The following KIF4A variants were observed in gnomAD, a reference collection of about 807,000 sequenced individuals.
KIF4A encodes the protein kinesin family member 4A.
In KIF4A, 7 loss-of-function variants were observed where a neutral mutation model predicts 105.9. The ratio of observed to expected loss-of-function variants is 0.07; its 90% CI spans 0.04 to 0.12. KIF4A has a LOEUF of 0.12. Among genes scored for constraint, KIF4A ranks in the 10% least tolerant of loss-of-function variants. KIF4A has a pLI of 1.00. For missense variants in KIF4A, 558 were observed against 929.2 expected, an observed-to-expected ratio of 0.60 and a Z score of 5.19; for synonymous variants, 281 against 331.3, an observed-to-expected ratio of 0.85 and a Z score of 1.65.
intron 11 of KIF4A, 79 bp from the exon 12 acceptor site, chrX:70,343,624 A>T: frequency 2.2e-6 from 2 of 902,728 alleles, no homozygotes; most frequent in Non-Finnish European, 3.2e-6. Context: ...CCTAGCTTTT[A>T]ATTCATAGGA....
intron 15 of KIF4A, among the ~76,000 whole-genome samples, chrX:70,371,724 G>T (rs1211681156): frequency 9.3e-6 from 1 of 108,013 alleles, no homozygotes; most frequent in Non-Finnish European, 1.9e-5. Flanking sequence ...CCTCCCTCCC[G>T]GACGGGGCGG....
rs374699860 is a variant in KIF4A at position 70,394,404 on chromosome X, A to G, written c.2233-1267A>G. ...CTTTTTGTAGAGACAGGGTCTCACTATGTTGCTCAGGCTGGTCTTGAACTA... is the reference window on the plus strand; with the variant it reads ...CTTTTTGTAGAGACAGGGTCTCACTGTGTTGCTCAGGCTGGTCTTGAACTA... On this transcript the variant is annotated intron_variant, in intron 20 of 30. Transcript: ENST00000374403. Among the ~76,000 whole-genome samples the G allele has an allele frequency of 1.4e-4, 15 of 110,391 alleles. No homozygotes were observed. In the East Asian group the frequency reaches 4.0e-3, roughly 30 times the overall value.
At chrX:70,303,265 T>C (rs2085811502) in intron 7 of KIF4A, among the ~76,000 whole-genome samples, 1 of 112,170 alleles carries the variant, frequency 8.9e-6, no homozygotes, top group Non-Finnish European at 1.9e-5. Flanking sequence ...TGCCCAGTCT[T>C]CTAGAATGTC....
intron 13 of KIF4A, among the ~76,000 whole-genome samples, chrX:70,344,317 C>T (rs983437776): frequency 8.9e-6 from 1 of 112,076 alleles, no homozygotes; most frequent in Non-Finnish European, 1.9e-5. Context: ...TTGTACCATA[C>T]CCCAATTTTA....
At chrX:70,357,131 G>A (rs1332009429) in intron 15 of KIF4A, among the ~76,000 whole-genome samples, 1 of 111,068 alleles carries the variant, frequency 9.0e-6, no homozygotes, top group African/African-American at 3.3e-5. Flanking sequence ...TGGCTAACAC[G>A]GTGAAACCCC....
At chrX:70,364,078 G>A (rs913295146) in intron 15 of KIF4A, among the ~76,000 whole-genome samples, 39 of 112,174 alleles carry the variant, frequency 3.5e-4, no homozygotes, top group Non-Finnish European at 6.9e-4. Flanking sequence ...ACCACTTGTT[G>A]ATGGGGTTGT....
intron 9 of KIF4A, among the ~76,000 whole-genome samples, chrX:70,332,899 G>A (rs1207607283): frequency 1.8e-5 from 2 of 111,404 alleles, no homozygotes; most frequent in African/African-American, 6.5e-5. Flanking sequence ...TTGTTAATTT[G>A]CTTATTCTGT....
chrX:70,340,364 A>G (rs764453527), intron 10 of KIF4A, among the ~76,000 whole-genome samples: 1 of 112,101 alleles, frequency 8.9e-6, no homozygotes, highest in South Asian at 3.7e-4. Context: ...TGAAGAACCT[A>G]CTTCTATGTG....
intron 18 of KIF4A, among the ~76,000 whole-genome samples, chrX:70,384,945 G>A (rs1000795690): frequency 3.7e-5 from 4 of 107,581 alleles, no homozygotes; most frequent in African/African-American, 1.0e-4. Flanking sequence ...GACTACAGGC[G>A]CATGCCACCA....
intron 15 of KIF4A, among the ~76,000 whole-genome samples, chrX:70,369,079 T>C (rs756762359): frequency 8.9e-6 from 1 of 112,407 alleles, no homozygotes; most frequent in East Asian, 2.8e-4. Context: ...TGGTGTGCCA[T>C]TTGCTAAGAC....
At chrX:70,374,353 G>A (rs762584919) in intron 16 of KIF4A, 99 bp downstream of exon 16, 23 of 471,613 alleles carry the variant, frequency 4.9e-5, no homozygotes, top group Non-Finnish European at 6.9e-5. Context: ...TGCCCCTAAA[G>A]ATTTAAACCT....
intron 15 of KIF4A, among the ~76,000 whole-genome samples, chrX:70,369,465 G>A (rs978689902): frequency 8.9e-6 from 1 of 112,065 alleles, no homozygotes; most frequent in African/African-American, 3.2e-5. Context: ...ATGTTGACAA[G>A]GGTGCAAGCA....
At chrX:70,363,644 T>G (rs1214322652) in intron 15 of KIF4A, among the ~76,000 whole-genome samples, 1 of 112,403 alleles carries the variant, frequency 8.9e-6, no homozygotes, top group Admixed American at 9.5e-5. Context: ...TCTATCATTG[T>G]TGGACATTTG....
At chrX:70,419,984 A>G in intron 30 of KIF4A, 78 bp from the exon 31 acceptor site, 2 of 1,021,151 alleles carry the variant, frequency 2.0e-6, no homozygotes, top group Non-Finnish European at 1.3e-6. Flanking sequence ...GAGTATGTCG[A>G]GCATCTATAG....
At chrX:70,387,345 G>A (rs1420771937) in intron 20 of KIF4A, 48 bp downstream of exon 20, 3 of 894,358 alleles carry the variant, frequency 3.4e-6, no homozygotes, top group Non-Finnish European at 3.1e-6. Flanking sequence ...CTGGGAACAG[G>A]AAAAAAGGAG....
At chrX:70,332,245 G>GGGAC (rs1345159994) in intron 9 of KIF4A, among the ~76,000 whole-genome samples, 1 of 111,793 alleles carries the variant, frequency 8.9e-6, no homozygotes, top group Admixed American at 9.5e-5. Flanking sequence ...TGAGCTTTGG[G>GGGAC]GGACTTTACC....
intron 24 of KIF4A, 43 bp from the exon 25 acceptor site, chrX:70,404,672 T>A: frequency 9.9e-7 from 1 of 1,005,451 alleles, no homozygotes; most frequent in Non-Finnish European, 1.4e-6. Flanking sequence ...CTTTTTCCCC[T>A]TGGTACCTTT....
At chrX:70,339,080 A>G (rs1383609109) in intron 10 of KIF4A, among the ~76,000 whole-genome samples, 4 of 96,923 alleles carry the variant, frequency 4.1e-5, no homozygotes. Context: ...GCGAGACTCC[A>G]TCTCAAAAAA....
chrX:70,344,062 G>C, intron 13 of KIF4A, 80 bp downstream of exon 13: 1 of 732,447 alleles, frequency 1.4e-6, no homozygotes, highest in Non-Finnish European at 2.1e-6. Context: ...TTCTAGCTCT[G>C]TGCCTTTTGC....
Sources: gnomAD v4.1 joint callset for allele counts (sites outside exome capture counted in the v4.1 genomes callset) on GRCh38, gnomAD v4.1.1 for gene constraint, MANE v1.5 for transcripts, NCBI Gene and HGNC (gene_info 2026-07-23, HGNC 2026-07-21) for gene names.